DMD: variants seen among roughly 807,000 people sequenced by gnomAD.
DMD encodes dystrophin.
DMD carries 63 observed loss-of-function variants against 330.1 expected under a neutral mutation model. The ratio of observed to expected loss-of-function variants is 0.19; its 90% CI spans 0.16 to 0.24. The LOEUF is 0.24. Among genes scored for constraint, DMD ranks in the 10% least tolerant of loss-of-function variants. DMD has a pLI of 1.00. For missense variants in DMD, 3,344 were observed against 2,684.1 expected (o/e 1.25, Z -5.43); for synonymous variants, 1,223 against 959.8 (o/e 1.27, Z -5.07).
intron 44 of DMD, among the ~76,000 whole-genome samples, chrX:32,066,262 A>G (rs2096259664): frequency 8.9e-6 from 1 of 111,804 alleles, no homozygotes; most frequent in Admixed American, 9.5e-5. Flanking sequence ...GCTGGCTTAT[A>G]AATAAATGTA....
chrX:31,619,786 T>A (rs1248542265), intron 55 of DMD, among the ~76,000 whole-genome samples: 1 of 111,979 alleles, frequency 8.9e-6, no homozygotes, highest in East Asian at 2.8e-4. Flanking sequence ...CAGAAGTAGG[T>A]TTTAAAGGTT....
chrX:33,101,648 A>T (rs2095240708), intron 1 of DMD, among the ~76,000 whole-genome samples: 1 of 112,007 alleles, frequency 8.9e-6, no homozygotes, highest in Non-Finnish European at 1.9e-5. Flanking sequence ...AAGAAAAGAA[A>T]AGAAGAAAAA....
chrX:31,951,122 CATATATATATATATATATGTGTATAT>C (rs2095158727), intron 45 of DMD, among the ~76,000 whole-genome samples: 1 of 65,373 alleles, frequency 1.5e-5, no homozygotes, highest in Admixed American at 1.8e-4. Flanking sequence ...TATATATATA[CATATATATATATATATATGTGTATAT>C]ATATATATAT....
At chrX:32,415,483 T>A (rs1309517360) in intron 29 of DMD, among the ~76,000 whole-genome samples, 1 of 112,326 alleles carries the variant, frequency 8.9e-6, no homozygotes, top group African/African-American at 3.2e-5. Context: ...TTTCTAAACA[T>A]CTGATTAGGC....
At chrX:33,076,126 G>T (rs182224515) in intron 1 of DMD, among the ~76,000 whole-genome samples, 7,960 of 110,000 alleles carry the variant, frequency 0.072, 728 homozygotes, top group African/African-American at 0.25. Flanking sequence ...CTCATCCTAT[G>T]ACCCCCCACT....
At chrX:31,251,341 A>C (rs976070860) in intron 63 of DMD, among the ~76,000 whole-genome samples, 8 of 110,966 alleles carry the variant, frequency 7.2e-5, no homozygotes, top group African/African-American at 2.6e-4. Context: ...AAATATAAAA[A>C]CAATCACTTT....
intron 60 of DMD, among the ~76,000 whole-genome samples, chrX:31,434,425 C>CACACACAG: frequency 1.9e-5 from 1 of 52,232 alleles, no homozygotes; most frequent in East Asian, 6.8e-4. Flanking sequence ...CGCGCACACA[C>CACACACAG]ACACACACAC....
At chrX:31,513,257 G>A (rs1343101116) in intron 55 of DMD, among the ~76,000 whole-genome samples, 1 of 98,223 alleles carries the variant, frequency 1.0e-5, no homozygotes, top group Non-Finnish European at 2.0e-5. Flanking sequence ...GGGTTTTCTA[G>A]ATATACAATC....
chrX:32,414,025 GCTT>G (rs1323551884), intron 29 of DMD, among the ~76,000 whole-genome samples: 6 of 111,355 alleles, frequency 5.4e-5, no homozygotes, highest in African/African-American at 2.0e-4. Context: ...GCAGCCAAAA[GCTT>G]TATCCTTAAT....
chrX:33,219,330 G>GTGTGTGTA (rs1232950126), intron 1 of DMD, among the ~76,000 whole-genome samples: 6 of 104,158 alleles, frequency 5.8e-5, no homozygotes, highest in Non-Finnish European at 1.2e-4. Flanking sequence ...GTGTGTGTGT[G>GTGTGTGTA]TGTGTGTGTG....
intron 76 of DMD, among the ~76,000 whole-genome samples, chrX:31,135,848 T>C (rs1262595296): frequency 3.6e-5 from 4 of 112,462 alleles, no homozygotes; most frequent in Non-Finnish European, 5.6e-5. Context: ...AAGTCAACCA[T>C]AATGAACTTA....
chrX:31,448,170 T>C (rs2065434196), intron 59 of DMD, among the ~76,000 whole-genome samples: 1 of 111,257 alleles, frequency 9.0e-6, no homozygotes. Flanking sequence ...GGGAAGTCTC[T>C]AGATGGGGTT....
At chrX:31,190,306 G>A (rs1439128109) in intron 67 of DMD, among the ~76,000 whole-genome samples, 2 of 110,766 alleles carry the variant, frequency 1.8e-5, no homozygotes, top group East Asian at 5.7e-4. Context: ...AACATAGTTC[G>A]TTTCAGATGC....
At chrX:31,190,956 C>T (rs2042283858) in intron 67 of DMD, among the ~76,000 whole-genome samples, 1 of 111,339 alleles carries the variant, frequency 9.0e-6, no homozygotes, top group African/African-American at 3.3e-5. Flanking sequence ...GCCGAAATGC[C>T]ACACTCGTTC....
rs2148769679 is a variant in DMD at position 32,335,996 on chromosome X, ATATATAACGTTATATATAACG to A, written c.5922+6083_5922+6103del. Among the ~76,000 whole-genome samples the A allele has an allele frequency of 7.8e-5, 3 of 38,581 alleles. No homozygotes were observed. In the East Asian group the frequency reaches 4.3e-3, roughly 55 times the overall value. 33.5% of individuals were successfully genotyped at this position (38,581 alleles called of 115,157 possible). ...GTATAACATGTTATATATAACGTGT[ATATATAACGTTATATATAACG>A]TGTATATATAACGTTATATATAACG... On this transcript the variant is annotated intron_variant, in intron 41 of 78. Coordinates refer to ENST00000357033, the MANE Select transcript of DMD (RefSeq NM_004006.3).
chrX:31,327,657 T>TA (rs2056866197), intron 61 of DMD, among the ~76,000 whole-genome samples: 1 of 111,934 alleles, frequency 8.9e-6, no homozygotes, highest in Non-Finnish European at 1.9e-5. Context: ...GGGGACAGTT[T>TA]AGATAAATAA....
Position 32,389,659 on chromosome X carries a change from C to T in DMD, c.4360G>A (p.Val1454Ile). ...TGGAATAATCGAAACTTCATGGAGA[C>T]ATCTTGTAATTTTTTCTGTAAGGAC... is the stretch of plus-strand genomic sequence containing the variant. Reference protein sequence around the residue: ...IDVAQKKLQDVSMKFRLFQKP... With the variant: ...IDVAQKKLQDISMKFRLFQKP... The change falls in exon 32 of 79, where the codon GTC (valine) becomes ATC (isoleucine). Residue 1454 changes from valine to isoleucine, a missense_variant. Val to Ile is a conservative substitution (Grantham distance 29, BLOSUM62 3). Coordinates refer to ENST00000357033, the MANE Select transcript of DMD (RefSeq NM_004006.3). 8.3e-7 allele frequency: 1 copy of T among 1,210,438 alleles called. No individual in the cohort carries two copies. The highest frequency in any genetic ancestry group is 3.0e-5 in the East Asian group (1 of 33,775).
In DMD at chrX:33,204,473, A is replaced by AT. The variant is rs994769307; in HGVS notation, c.31+6808dup. On this transcript the variant is annotated intron_variant, in intron 1 of 78. Coordinates refer to ENST00000357033, the MANE Select transcript of DMD (RefSeq NM_004006.3). ...CATTCTTCTTTGCCTTGCTTTGAAT[A>AT]TTTTTTTTTTCTCAGAAGTATTTCC... Among the ~76,000 whole-genome samples the AT allele has an allele frequency of 5.4e-4, 59 of 108,430 alleles. 1 individual carries two copies. Among genetic ancestry groups the AT allele is most frequent in the East Asian group, 2.0e-3 (7 of 3,428 alleles). The allele number at this position is 108,430 out of a possible 115,157, so 94.2% of individuals were successfully genotyped here.
At chrX:31,544,478 G>C (rs2074035196) in intron 55 of DMD, among the ~76,000 whole-genome samples, 1 of 110,496 alleles carries the variant, frequency 9.1e-6, no homozygotes, top group African/African-American at 3.3e-5. Context: ...TCATACCAGA[G>C]GTGCCCTTAC....
Sources: gnomAD v4.1 joint callset for allele counts (sites outside exome capture counted in the v4.1 genomes callset) on GRCh38, gnomAD v4.1.1 for gene constraint, MANE v1.5 for transcripts, NCBI Gene and HGNC (gene_info 2026-07-23, HGNC 2026-07-21) for gene names.